The following ASIC2 variants were observed in gnomAD, a reference collection of about 807,000 sequenced individuals.
The protein encoded by ASIC2 is acid-sensing ion channel 2.
Under a neutral mutation model 57.3 loss-of-function variants are expected in ASIC2, and 25 were observed. The ratio of observed to expected loss-of-function variants is 0.44; its 90% CI spans 0.32 to 0.61. The LOEUF (loss-of-function observed/expected upper bound fraction) is 0.61, where lower values mean the gene tolerates loss of function less well. Ranked by LOEUF, ASIC2 falls within the 20% of genes least tolerant of loss-of-function variation. ASIC2 has a pLI of 0.06. For synonymous variants in ASIC2, 319 were observed against 307.5 expected (o/e 1.04, Z -0.39); for missense variants, 641 against 738.1 (o/e 0.87, Z 1.52).
intron 1 of ASIC2, among the ~76,000 whole-genome samples, chr17:33,840,842 G>T (rs1463161200): frequency 8.7e-6 from 1 of 114,942 alleles, no homozygotes; most frequent in Non-Finnish European, 2.0e-5. Flanking sequence ...AGATTATCTT[G>T]TTGAAATAAC....
chr17:33,415,350 ATAATAAC>A (rs1229246428), intron 1 of ASIC2, among the ~76,000 whole-genome samples: 3 of 152,230 alleles, frequency 2.0e-5, no homozygotes, highest in Non-Finnish European at 4.4e-5. Flanking sequence ...TAGATTGCTT[ATAATAAC>A]TAATACAATG....
At chr17:34,077,971 T>C (rs748333879) in intron 1 of ASIC2, among the ~76,000 whole-genome samples, 3 of 152,260 alleles carry the variant, frequency 2.0e-5, no homozygotes, top group Non-Finnish European at 2.9e-5. Flanking sequence ...GTTAAAGTTA[T>C]AGAGGGCCAG....
chr17:33,677,407 G>C (rs996725553), intron 1 of ASIC2, among the ~76,000 whole-genome samples: 1 of 152,154 alleles, frequency 6.6e-6, no homozygotes, highest in Non-Finnish European at 1.5e-5. Flanking sequence ...AAGTAATTTT[G>C]ACCTTTAAGT....
At chr17:33,419,955 C>CT (rs1012595230) in intron 1 of ASIC2, among the ~76,000 whole-genome samples, 4 of 151,984 alleles carry the variant, frequency 2.6e-5, no homozygotes, top group African/African-American at 9.7e-5. Flanking sequence ...TATGTTTAGA[C>CT]TTTTTCTGGA....
intron 1 of ASIC2, among the ~76,000 whole-genome samples, chr17:33,420,464 A>C (rs185272955): frequency 6.6e-6 from 1 of 152,324 alleles, no homozygotes; most frequent in Admixed American, 6.5e-5. Flanking sequence ...GGAGAGAAAA[A>C]CATGAACTAA....
chr17:33,684,359 A>G (rs1331348397), intron 1 of ASIC2, among the ~76,000 whole-genome samples: 1 of 152,048 alleles, frequency 6.6e-6, no homozygotes, highest in Non-Finnish European at 1.5e-5. Flanking sequence ...CTCATTTTAG[A>G]GCTGACTACC....
chr17:33,871,837 G>A (rs1882832896), intron 1 of ASIC2, among the ~76,000 whole-genome samples: 1 of 152,182 alleles, frequency 6.6e-6, no homozygotes, highest in Non-Finnish European at 1.5e-5. Flanking sequence ...TGGGCGCTGA[G>A]TCATGGCAAA....
chr17:33,643,877 G>C (rs1317132762), intron 1 of ASIC2, among the ~76,000 whole-genome samples: 1 of 152,122 alleles, frequency 6.6e-6, no homozygotes, highest in Non-Finnish European at 1.5e-5. Flanking sequence ...TAATTAGTAG[G>C]TGTTATTATT....
At chr17:33,398,555 G>T (rs964762453) in intron 1 of ASIC2, among the ~76,000 whole-genome samples, 1 of 152,078 alleles carries the variant, frequency 6.6e-6, no homozygotes, top group Admixed American at 6.6e-5. Context: ...TGATGATGGG[G>T]ATGATGGCAG....
chr17:34,074,565 G>A (rs564335948), intron 1 of ASIC2, among the ~76,000 whole-genome samples: 85 of 152,114 alleles, frequency 5.6e-4, no homozygotes, highest in Non-Finnish European at 1.0e-3. Flanking sequence ...CCCATGCCAG[G>A]CCCTATCCCA....
At chr17:33,587,782 G>A (rs1050784044) in intron 1 of ASIC2, among the ~76,000 whole-genome samples, 1 of 152,188 alleles carries the variant, frequency 6.6e-6, no homozygotes, top group Non-Finnish European at 1.5e-5. Context: ...CTCTCCCCTT[G>A]ATAGAATTAG....
chr17:33,528,167 G>GGTGTGTGTGTGTGTGTGTGT (rs56235143), intron 1 of ASIC2, among the ~76,000 whole-genome samples: 1,500 of 143,436 alleles, frequency 0.01, 21 homozygotes, highest in African/African-American at 0.024. Context: ...GTATGTGGTA[G>GGTGTGTGTGTGTGTGTGTGT]GTGTGTGTGT....
intron 1 of ASIC2, among the ~76,000 whole-genome samples, chr17:33,588,784 T>C (rs1167189371): frequency 6.6e-6 from 1 of 152,182 alleles, no homozygotes; most frequent in South Asian, 2.1e-4. Flanking sequence ...GAAGGAAGAT[T>C]CTGAGTTGAC....
At chr17:34,077,478 G>A (rs546988364) in intron 1 of ASIC2, among the ~76,000 whole-genome samples, 1 of 152,302 alleles carries the variant, frequency 6.6e-6, no homozygotes, top group African/African-American at 2.4e-5. Flanking sequence ...CTAAGCTTTG[G>A]GGCTGATTGA....
chr17:33,292,680 A>G lies in ASIC2; in HGVS notation c.-565T>C. 1.0e-6 allele frequency: 1 copy of G among 985,554 alleles called. No individual in the cohort carries two copies. Among genetic ancestry groups the G allele is most frequent in the Non-Finnish European group, 1.2e-6 (1 of 830,058 alleles). 61.1% of individuals were successfully genotyped at this position (985,554 alleles called of 1,614,324 possible). On this transcript the variant is annotated 5_prime_UTR_variant, in exon 1 of 10. Coordinates refer to ENST00000225823, the MANE Select transcript of ASIC2 (RefSeq NM_183377.2). Reference sequence around the variant, plus strand: ...AAGGCGCCAAGGAACGAGCGCCCCCAGAGGCGCACCGCGGCTCCTGGCTGG... The same window carrying G: ...AAGGCGCCAAGGAACGAGCGCCCCCGGAGGCGCACCGCGGCTCCTGGCTGG...
chr17:33,922,672 GGAGA>G (rs1263949458), intron 1 of ASIC2, among the ~76,000 whole-genome samples: 2 of 152,066 alleles, frequency 1.3e-5, no homozygotes, highest in Non-Finnish European at 2.9e-5. Context: ...AACAATTCTA[GGAGA>G]TAGATAGCAA....
At chr17:33,970,206 CA>C (rs1202137211) in intron 1 of ASIC2, among the ~76,000 whole-genome samples, 4 of 152,174 alleles carry the variant, frequency 2.6e-5, no homozygotes, top group Non-Finnish European at 4.4e-5. Context: ...TTCATTATGA[CA>C]ACAAAACTTG....
intron 1 of ASIC2, among the ~76,000 whole-genome samples, chr17:33,366,769 A>G (rs1052529199): frequency 1.3e-5 from 2 of 152,226 alleles, no homozygotes; most frequent in African/African-American, 4.8e-5. Flanking sequence ...TTTTTTTAAA[A>G]AAGGAACTAT....
intron 1 of ASIC2, among the ~76,000 whole-genome samples, chr17:33,382,716 G>T (rs909942947): frequency 2.0e-5 from 3 of 152,208 alleles, no homozygotes; most frequent in Admixed American, 1.3e-4. Context: ...AGCTTGTGCA[G>T]ATTTCACAAC....
Sources: allele counts gnomAD v4.1 joint callset (sites outside exome capture counted in the v4.1 genomes callset), GRCh38; gene constraint gnomAD v4.1.1; transcripts MANE v1.5; gene names NCBI Gene and HGNC (gene_info 2026-07-23, HGNC 2026-07-21).